Variants in CA10 observed in about 807,000 individuals in gnomAD.
CA10 encodes carbonic anhydrase-related protein 10.
Under a neutral mutation model 44.2 loss-of-function variants are expected in CA10, and 14 were observed. The ratio of observed to expected loss-of-function variants is 0.32; its 90% CI spans 0.21 to 0.50. The LOEUF is 0.50. CA10 is among the 20% of genes least tolerant of loss of function. CA10 has a pLI of 0.99. For synonymous variants in CA10, 159 were observed against 141.6 expected (o/e 1.12, Z -0.87); for missense variants, 350 against 409.7 (o/e 0.85, Z 1.26).
intron 1 of CA10, among the ~76,000 whole-genome samples, chr17:52,078,769 C>A (rs1186870918): frequency 1.3e-5 from 2 of 152,134 alleles, no homozygotes; most frequent in Admixed American, 1.3e-4. Flanking sequence ...AATGACTGCC[C>A]CATTGAGCTG....
At chr17:52,134,862 G>A (rs763326669) in intron 1 of CA10, 9 of 518,694 alleles carry the variant, frequency 1.7e-5, no homozygotes, top group South Asian at 8.4e-5. Context: ...CAGAACCCTG[G>A]GCTCCTTCTG....
At chr17:51,866,760 T>C (rs946995020) in intron 3 of CA10, among the ~76,000 whole-genome samples, 5 of 152,188 alleles carry the variant, frequency 3.3e-5, no homozygotes, top group African/African-American at 9.7e-5. Flanking sequence ...TCTTCTAACA[T>C]AGTCACATGG....
chr17:52,108,530 C>T (rs556929805), intron 1 of CA10, among the ~76,000 whole-genome samples: 10 of 151,342 alleles, frequency 6.6e-5, no homozygotes, highest in Non-Finnish European at 1.5e-4. Flanking sequence ...AACCCCGTCT[C>T]TACTAAAAAT....
chr17:51,818,327 A>G (rs1394897129), intron 3 of CA10, among the ~76,000 whole-genome samples: 1 of 152,216 alleles, frequency 6.6e-6, no homozygotes, highest in Non-Finnish European at 1.5e-5. Flanking sequence ...CAATATTCAC[A>G]AAACTGACAG....
At chr17:51,783,109 TC>T (rs1906123950) in intron 3 of CA10, among the ~76,000 whole-genome samples, 1 of 152,232 alleles carries the variant, frequency 6.6e-6, no homozygotes, top group African/African-American at 2.4e-5. Context: ...TAAATAGTCA[TC>T]TCTTTTCCCT....
intron 3 of CA10, among the ~76,000 whole-genome samples, chr17:51,826,049 A>G (rs1429152832): frequency 1.3e-5 from 2 of 152,242 alleles, no homozygotes; most frequent in Admixed American, 6.5e-5. Context: ...GGTAATAACT[A>G]CTTGCTGAAG....
intron 5 of CA10, among the ~76,000 whole-genome samples, chr17:51,651,545 G>C (rs1056314403): frequency 6.6e-6 from 1 of 152,214 alleles, no homozygotes; most frequent in Non-Finnish European, 1.5e-5. Flanking sequence ...ACTGACCTCA[G>C]GGTCTACAGC....
At chr17:52,141,048 C>T (rs2143383019) in intron 1 of CA10, among the ~76,000 whole-genome samples, 1 of 152,236 alleles carries the variant, frequency 6.6e-6, no homozygotes. Flanking sequence ...GACCTTCATT[C>T]CCCAAAGAGA....
rs557334666 is a variant in CA10, at chr17:52,125,367, G to A, written c.61+32359C>T. On this transcript the variant is annotated intron_variant, in intron 1 of 8. Transcript: ENST00000451037. ...CGGCTGGTTGGTGAGCTGAGGTCAC[G>A]GTGACCAGCCAAAGAGCAGGTGTCC... is the stretch of plus-strand genomic sequence containing the variant. Among the ~76,000 whole-genome samples the A allele has an allele frequency of 1.2e-4, 18 of 152,268 alleles. No homozygotes were observed. In the East Asian group the frequency reaches 1.9e-3, roughly 16 times the overall value.
chr17:52,021,448 A>G (rs1412221204), intron 2 of CA10, among the ~76,000 whole-genome samples: 1 of 152,048 alleles, frequency 6.6e-6, no homozygotes, highest in Non-Finnish European at 1.5e-5. Flanking sequence ...GCATTCTCTT[A>G]TCTCTGCAGC....
chr17:51,945,388 A>G (rs970761812), intron 2 of CA10, among the ~76,000 whole-genome samples: 8 of 152,138 alleles, frequency 5.3e-5, no homozygotes, highest in Non-Finnish European at 7.4e-5. Flanking sequence ...TTCCTGTCTC[A>G]TTGAAGAAAA....
intron 2 of CA10, among the ~76,000 whole-genome samples, chr17:52,008,775 C>A (rs775023353): frequency 2.0e-5 from 3 of 151,826 alleles, no homozygotes; most frequent in Non-Finnish European, 4.4e-5. Context: ...GGCTTCCTAT[C>A]CAAGCTTATT....
chr17:52,026,747 G>A (rs1487079778), intron 2 of CA10, among the ~76,000 whole-genome samples: 1 of 152,082 alleles, frequency 6.6e-6, no homozygotes, highest in Non-Finnish European at 1.5e-5. Context: ...ACAGCAGCAT[G>A]GGGGTAACGA....
chr17:52,003,350 A>G (rs1383236242), intron 2 of CA10, among the ~76,000 whole-genome samples: 1 of 151,850 alleles, frequency 6.6e-6, no homozygotes, highest in Non-Finnish European at 1.5e-5. Context: ...GGGTTCCCAT[A>G]ATACCTTATC....
chr17:52,145,537 T>C (rs187203129), intron 1 of CA10, among the ~76,000 whole-genome samples: 365 of 152,320 alleles, frequency 2.4e-3, no homozygotes, highest in African/African-American at 8.3e-3. Context: ...CTATCTTCCC[T>C]ATAATGTATA....
intron 3 of CA10, among the ~76,000 whole-genome samples, chr17:51,896,600 C>A (rs980269511): frequency 6.6e-6 from 1 of 152,212 alleles, no homozygotes; most frequent in Non-Finnish European, 1.5e-5. Context: ...GTTATATACC[C>A]AACAATGGGA....
At chr17:51,859,772 G>C (rs1318499348) in intron 3 of CA10, among the ~76,000 whole-genome samples, 2 of 152,180 alleles carry the variant, frequency 1.3e-5, no homozygotes, top group South Asian at 4.1e-4. Context: ...GCATTGTAAA[G>C]TATAAAGAGC....
At chr17:51,727,847 T>A (rs1916580683) in intron 4 of CA10, among the ~76,000 whole-genome samples, 1 of 152,148 alleles carries the variant, frequency 6.6e-6, no homozygotes, top group Non-Finnish European at 1.5e-5. Flanking sequence ...CTTTCTTTTT[T>A]AAAAATAAAA....
Position 51,631,325 on chromosome 17 carries a change from AGT to A in CA10, c.*257_*258del, listed in dbSNP as rs371836747. On this transcript the variant is annotated 3_prime_UTR_variant, in exon 9 of 9. Coordinates refer to ENST00000451037, the MANE Select transcript of CA10 (RefSeq NM_020178.5). ...GACTTCCCATGATGGAGGTTGTAAGAGTGTGTGTGTGTGTAGGTATGTTTGCA... is the reference window on the plus strand; with the variant it reads ...GACTTCCCATGATGGAGGTTGTAAGAGTGTGTGTGTGTAGGTATGTTTGCA... The A allele has an allele frequency of 1.5e-3, 683 of 450,282 alleles. No homozygotes were observed. Among genetic ancestry groups the A allele is most frequent in the South Asian group, 2.2e-3 (56 of 25,486 alleles). 27.9% of individuals were successfully genotyped at this position (450,282 alleles called of 1,614,324 possible).
Sources: gnomAD v4.1 joint callset for allele counts (sites outside exome capture counted in the v4.1 genomes callset) on GRCh38, gnomAD v4.1.1 for gene constraint, MANE v1.5 for transcripts, NCBI Gene and HGNC (gene_info 2026-07-23, HGNC 2026-07-21) for gene names.